RBFOX1: variants seen among roughly 807,000 people sequenced by gnomAD.
The protein encoded by RBFOX1 is RNA binding protein fox-1 homolog 1.
In RBFOX1, 8 loss-of-function variants were observed where a neutral mutation model predicts 57.7. The observed-to-expected ratio is 0.14, with a 90% CI of 0.08 to 0.25. The LOEUF is 0.25. Ranked by LOEUF, RBFOX1 falls within the 10% of genes least tolerant of loss-of-function variation. The probability of loss-of-function intolerance (pLI) is 1.00; values close to 1 mark genes in which losing one functional copy is unlikely to be tolerated. For missense variants in RBFOX1, 611 were observed against 548.5 expected (o/e 1.11, Z -1.14); for synonymous variants, 326 against 222.4 (o/e 1.47, Z -4.15).
At chr16:7,305,361 T>C in intron 4 of RBFOX1, among the ~76,000 whole-genome samples, 1 of 152,108 alleles carries the variant, frequency 6.6e-6, no homozygotes, top group Non-Finnish European at 1.5e-5. Flanking sequence ...AGCACTGCCC[T>C]TGTAGGGTGA....
At chr16:7,031,730 C>T (rs912886435) in intron 3 of RBFOX1, among the ~76,000 whole-genome samples, 12 of 152,118 alleles carry the variant, frequency 7.9e-5, no homozygotes, top group African/African-American at 2.9e-4. Flanking sequence ...TTTTAAAATA[C>T]TATACTCTGT....
chr16:5,770,216 C>A (rs543043595), intron 3 of RBFOX1, among the ~76,000 whole-genome samples: 1 of 151,430 alleles, frequency 6.6e-6, no homozygotes, highest in Non-Finnish European at 1.5e-5. Flanking sequence ...TTTCAGAACA[C>A]CAGTCACAAC....
At position 6,982,743 on chromosome 16, in the gene RBFOX1, A is replaced by G. The variant is rs1002389488; in HGVS notation, c.-15-69314A>G. ...TGCAGTGGCTCATGCCTGTAATCCC[A>G]ACACTTTGGGAGGTCGAGGCAGGTG... is the stretch of plus-strand genomic sequence containing the variant. On this transcript the variant is annotated intron_variant, in intron 3 of 15. Coordinates refer to ENST00000550418, the MANE Select transcript of RBFOX1 (RefSeq NM_018723.4). 1.3e-5 allele frequency among the ~76,000 whole-genome samples: 2 copies of G among 152,170 alleles called. 1 individual carries two copies. The highest frequency in any genetic ancestry group is 2.9e-5 in the Non-Finnish European group (2 of 68,034).
At chr16:7,164,054 G>A (rs1478670118) in intron 4 of RBFOX1, among the ~76,000 whole-genome samples, 3 of 152,060 alleles carry the variant, frequency 2.0e-5, no homozygotes, top group Non-Finnish European at 4.4e-5. Context: ...TGAGATTTTG[G>A]TGCACTCTTC....
intron 3 of RBFOX1, among the ~76,000 whole-genome samples, chr16:5,839,052 T>C (rs756737606): frequency 1.2e-3 from 181 of 152,246 alleles, no homozygotes; most frequent in Admixed American, 2.2e-3. Flanking sequence ...GGGATATTGA[T>C]AAACCACCTC....
At chr16:5,738,354 A>G (rs2052653735) in intron 3 of RBFOX1, among the ~76,000 whole-genome samples, 1 of 151,908 alleles carries the variant, frequency 6.6e-6, no homozygotes, top group Non-Finnish European at 1.5e-5. Flanking sequence ...AGTATAGCCC[A>G]GGTGCGGTGG....
At chr16:7,668,742 A>T (rs1290133984) in intron 13 of RBFOX1, among the ~76,000 whole-genome samples, 1 of 152,202 alleles carries the variant, frequency 6.6e-6, no homozygotes, top group Non-Finnish European at 1.5e-5. Flanking sequence ...AAATCTTTTG[A>T]TATGTTCACT....
chr16:6,278,865 T>C (rs1477194536), intron 1 of RBFOX1, among the ~76,000 whole-genome samples: 2 of 152,214 alleles, frequency 1.3e-5, no homozygotes, highest in Non-Finnish European at 2.9e-5. Flanking sequence ...CTATTCTTGA[T>C]CTTAAATCTT....
intron 4 of RBFOX1, among the ~76,000 whole-genome samples, chr16:7,070,324 C>T (rs368186282): frequency 6.6e-6 from 1 of 152,156 alleles, no homozygotes; most frequent in Non-Finnish European, 1.5e-5. Flanking sequence ...AATATAGATG[C>T]TTTCCTGGAT....
rs115370360 is a variant in RBFOX1 at position 5,492,963 on chromosome 16, G to A, written c.258+25709G>A. The stretch of plus-strand genomic sequence containing the variant: ...ACCCTAGAGCCTACACCAAGATTTG[G>A]CAAACTATGGCCCATGGGCCAAATC... On this transcript the variant is annotated intron_variant, in intron 2 of 2. Transcript: ENST00000585867. 7.6e-3 allele frequency among the ~76,000 whole-genome samples: 1,152 copies of A among 152,274 alleles called. 9 individuals are homozygous for A. The highest frequency in any genetic ancestry group is 0.026 in the African/African-American group (1,090 of 41,550).
chr16:7,130,624 T>C (rs760368299), intron 4 of RBFOX1, among the ~76,000 whole-genome samples: 2 of 152,168 alleles, frequency 1.3e-5, no homozygotes, highest in Non-Finnish European at 2.9e-5. Context: ...GCAGTGGTGA[T>C]GTAGGTTTTA....
At position 6,217,628 on chromosome 16, in the gene RBFOX1, G is replaced by A. The variant is rs146909065; in HGVS notation, c.-126-99367G>A. ...GTGGTGCATCACTTTGCATGTTGACGGGCTGAGTAACCTGCTTGTCTCTTG... is the reference window on the plus strand; with the variant it reads ...GTGGTGCATCACTTTGCATGTTGACAGGCTGAGTAACCTGCTTGTCTCTTG... On this transcript the variant is annotated intron_variant, in intron 1 of 15. Transcript: ENST00000550418. 2.3e-4 allele frequency among the ~76,000 whole-genome samples: 35 copies of A among 152,234 alleles called. No homozygotes were observed. In the East Asian group the frequency reaches 6.6e-3, roughly 29 times the overall value.
At chr16:5,793,830 T>A (rs1395611681) in intron 3 of RBFOX1, among the ~76,000 whole-genome samples, 2 of 152,184 alleles carry the variant, frequency 1.3e-5, no homozygotes, top group East Asian at 3.9e-4. Context: ...GTGCAAGTGT[T>A]CATTTGCACA....
intron 3 of RBFOX1, among the ~76,000 whole-genome samples, chr16:6,826,773 C>G (rs576385036): frequency 2.6e-5 from 4 of 152,200 alleles, no homozygotes; most frequent in East Asian, 3.9e-4. Flanking sequence ...ATTTATTATA[C>G]TACAAGAATG....
At chr16:6,119,726 C>T (rs2096534203) in intron 1 of RBFOX1, among the ~76,000 whole-genome samples, 1 of 152,166 alleles carries the variant, frequency 6.6e-6, no homozygotes, top group African/African-American at 2.4e-5. Context: ...TGGTTTCAGA[C>T]TCGTGACCCT....
At chr16:6,789,789 G>A (rs1007432497) in intron 3 of RBFOX1, among the ~76,000 whole-genome samples, 1 of 151,978 alleles carries the variant, frequency 6.6e-6, no homozygotes, top group East Asian at 1.9e-4. Context: ...TGTTTGAATG[G>A]TGATCCTCTT....
At chr16:7,329,606 C>T (rs1038681175) in intron 4 of RBFOX1, among the ~76,000 whole-genome samples, 2 of 152,078 alleles carry the variant, frequency 1.3e-5, no homozygotes, top group African/African-American at 2.4e-5. Context: ...TGAACGAGGA[C>T]GAAGTCAATA....
At chr16:7,655,443 C>T (rs2066068788) in intron 12 of RBFOX1, among the ~76,000 whole-genome samples, 7 of 152,180 alleles carry the variant, frequency 4.6e-5, no homozygotes, top group Admixed American at 4.6e-4. Context: ...TATAAATTCT[C>T]CCTAATGCCT....
chr16:6,193,095 A>C (rs561090696), intron 1 of RBFOX1, among the ~76,000 whole-genome samples: 1 of 151,924 alleles, frequency 6.6e-6, no homozygotes, highest in African/African-American at 2.4e-5. Context: ...TTCATCTCTA[A>C]CTCTGTAATA....
Sources: gnomAD v4.1 joint callset for allele counts (sites outside exome capture counted in the v4.1 genomes callset) on GRCh38, gnomAD v4.1.1 for gene constraint, MANE v1.5 for transcripts, NCBI Gene and HGNC (gene_info 2026-07-23, HGNC 2026-07-21) for gene names.